Variants in FNBP1 observed in about 807,000 individuals in gnomAD.
FNBP1 encodes the protein formin-binding protein 1.
Under a neutral mutation model 90.6 loss-of-function variants are expected in FNBP1, and 26 were observed. The observed-to-expected ratio is 0.29, with a 90% CI of 0.21 to 0.40. FNBP1 has a LOEUF of 0.40. FNBP1 is among the 10% of genes least tolerant of loss of function. The pLI, the probability that FNBP1 is intolerant of heterozygous loss-of-function variation, is 1.00. For synonymous variants in FNBP1, 260 were observed against 265.2 expected (o/e 0.98, Z 0.19); for missense variants, 635 against 768.0 (o/e 0.83, Z 2.05).
intron 11 of FNBP1, among the ~76,000 whole-genome samples, chr9:129,913,306 C>G (rs2039669824): frequency 6.6e-6 from 1 of 152,178 alleles, no homozygotes; most frequent in African/African-American, 2.4e-5. Context: ...TAAACAGGTG[C>G]AAAGAAATCT....
chr9:129,928,372 C>T (rs965791370), intron 7 of FNBP1, among the ~76,000 whole-genome samples: 2 of 152,190 alleles, frequency 1.3e-5, no homozygotes, highest in Non-Finnish European at 2.9e-5. Context: ...TAGTTTAAGA[C>T]TGACAAATAG....
intron 4 of FNBP1, among the ~76,000 whole-genome samples, chr9:129,963,633 T>TA (rs1564446948): frequency 3.0e-4 from 22 of 73,640 alleles, no homozygotes; most frequent in African/African-American, 7.1e-4. Context: ...TTTTTTTTTT[T>TA]TAAAAAAACA....
chr9:130,008,545 C>T (rs1330550723), intron 1 of FNBP1, among the ~76,000 whole-genome samples: 1 of 152,144 alleles, frequency 6.6e-6, no homozygotes, highest in Non-Finnish European at 1.5e-5. Context: ...CGACGCTAAT[C>T]TCAGAAAGCA....
intron 4 of FNBP1, among the ~76,000 whole-genome samples, chr9:129,962,972 A>G (rs945455750): frequency 1.9e-4 from 29 of 152,140 alleles, no homozygotes; most frequent in African/African-American, 7.0e-4. Flanking sequence ...CTGGTCCTGA[A>G]AGTCTTTATC....
intron 4 of FNBP1, among the ~76,000 whole-genome samples, chr9:129,963,616 CTTT>C (rs35213636): frequency 1.1e-3 from 129 of 115,302 alleles, no homozygotes; most frequent in African/African-American, 3.9e-3. Flanking sequence ...TCCTTCCAGC[CTTT>C]TTTTTTTTTT....
the FNBP1 span, among the ~76,000 whole-genome samples, chr9:130,048,270 C>T: frequency 2.3e-5 from 3 of 130,226 alleles, no homozygotes; most frequent in African/African-American, 8.6e-5. Flanking sequence ...GAGCCGCGAT[C>T]GCGCCACTTC....
intron 7 of FNBP1, among the ~76,000 whole-genome samples, chr9:129,928,014 T>G (rs1331009122): frequency 7.8e-6 from 1 of 128,648 alleles, no homozygotes; most frequent in Non-Finnish European, 1.7e-5. Flanking sequence ...AAGCACAGTA[T>G]TTAATTAACT....
chr9:129,891,640 C>G (rs547676381), intron 16 of FNBP1, among the ~76,000 whole-genome samples: 1 of 152,244 alleles, frequency 6.6e-6, no homozygotes, highest in Non-Finnish European at 1.5e-5. Flanking sequence ...GTGAAAAGCT[C>G]TTCATCTCAA....
chr9:129,973,056 C>A (rs956440838), intron 4 of FNBP1, among the ~76,000 whole-genome samples: 2 of 152,164 alleles, frequency 1.3e-5, no homozygotes, highest in Admixed American at 1.3e-4. Context: ...GTTTTCATAA[C>A]CTGCCTAGGG....
At chr9:129,892,417 A>ACACACACACACACACACACACACACACAC (rs2035215307) in intron 16 of FNBP1, among the ~76,000 whole-genome samples, 1 of 147,274 alleles carries the variant, frequency 6.8e-6, no homozygotes, top group African/African-American at 2.5e-5. Context: ...ACACACACAC[A>ACACACACACACACACACACACACACACAC]AAAAGGTTGA....
intron 1 of FNBP1, among the ~76,000 whole-genome samples, chr9:130,033,846 CAAA>C (rs36040639): frequency 5.4e-4 from 56 of 103,670 alleles, no homozygotes; most frequent in African/African-American, 1.4e-3. Flanking sequence ...ACTAAAAATA[CAAA>C]AAAAAAAAAA....
At chr9:130,008,710 A>G (rs992796023) in intron 1 of FNBP1, among the ~76,000 whole-genome samples, 1 of 152,198 alleles carries the variant, frequency 6.6e-6, no homozygotes, top group Admixed American at 6.5e-5. Flanking sequence ...AAGCTGTCTA[A>G]ATATGAATTG....
chr9:130,015,844 T>C (rs532831919), intron 1 of FNBP1, among the ~76,000 whole-genome samples: 3 of 152,300 alleles, frequency 2.0e-5, no homozygotes, highest in African/African-American at 7.2e-5. Context: ...CTGGCTAATT[T>C]TTGTATCTTT....
intron 6 of FNBP1, among the ~76,000 whole-genome samples, chr9:129,941,677 C>A (rs534983308): frequency 3.9e-5 from 6 of 152,162 alleles, no homozygotes; most frequent in African/African-American, 7.2e-5. Flanking sequence ...GTTGCCCAGC[C>A]TGGTCTCGAA....
chr9:129,936,898 G>A (rs953356171), intron 6 of FNBP1, among the ~76,000 whole-genome samples: 6 of 152,164 alleles, frequency 3.9e-5, no homozygotes, highest in Admixed American at 6.5e-5. Context: ...GGCCAGGTGC[G>A]GTGGCTCACG....
At chr9:130,039,525 A>C (rs1356158183) in intron 1 of FNBP1, among the ~76,000 whole-genome samples, 1 of 151,956 alleles carries the variant, frequency 6.6e-6, no homozygotes, top group Admixed American at 6.6e-5. Context: ...AAATAGAAAA[A>C]ATTAGCCAGG....
chr9:130,024,897 C>T (rs372673127), intron 1 of FNBP1, among the ~76,000 whole-genome samples: 4 of 152,280 alleles, frequency 2.6e-5, no homozygotes, highest in East Asian at 1.9e-4. Context: ...GCAAACTACT[C>T]CCTGATGCCA....
chr9:129,896,847 T>A (rs2035853965), intron 15 of FNBP1, among the ~76,000 whole-genome samples: 1 of 151,864 alleles, frequency 6.6e-6, no homozygotes, highest in African/African-American at 2.4e-5. Context: ...GTCAGGCTGG[T>A]CTTGAACTCC....
At position 129,955,201 on chromosome 9, in the gene FNBP1, G is replaced by GA. The variant is rs1267744936; in HGVS notation, c.513+2158dup. On this transcript the variant is annotated intron_variant, in intron 6 of 16. Coordinates refer to ENST00000446176, the MANE Select transcript of FNBP1 (RefSeq NM_015033.3). ...TGCTGCTGATATGACCATCTCTACA[G>GA]AAAAAAACAGAAATGAAATGACAGT... is the stretch of plus-strand genomic sequence containing the variant. 2.0e-5 allele frequency among the ~76,000 whole-genome samples: 3 copies of GA among 150,838 alleles called. No individual in the cohort carries two copies. The South Asian group carries it at 6.2e-4, about 31-fold the overall frequency.
Sources: allele counts gnomAD v4.1 joint callset (sites outside exome capture counted in the v4.1 genomes callset), GRCh38; gene constraint gnomAD v4.1.1; transcripts MANE v1.5; gene names NCBI Gene and HGNC (gene_info 2026-07-23, HGNC 2026-07-21).